EGFR: variants seen among roughly 807,000 people sequenced by gnomAD.
The protein encoded by EGFR is epidermal growth factor receptor.
In EGFR, 58 loss-of-function variants were observed where a neutral mutation model predicts 143.0. The observed-to-expected ratio is 0.41, with a 90% CI of 0.33 to 0.50. The LOEUF is 0.50. Ranked by LOEUF, EGFR falls within the 20% of genes least tolerant of loss-of-function variation. The pLI is 0.39. For synonymous variants in EGFR, 613 were observed against 594.4 expected, an observed-to-expected ratio of 1.03 and a Z score of -0.45; for missense variants, 1,307 against 1,579.0, an observed-to-expected ratio of 0.83 and a Z score of 2.92.
chr7:55,078,341 C>T (rs915121915), intron 1 of EGFR, among the ~76,000 whole-genome samples: 1 of 152,078 alleles, frequency 6.6e-6, no homozygotes, highest in Non-Finnish European at 1.5e-5. Flanking sequence ...GCCAGGAAGC[C>T]GCCTCGACGC....
chr7:55,107,288 G>A (rs1266234839), intron 1 of EGFR, among the ~76,000 whole-genome samples: 4 of 152,066 alleles, frequency 2.6e-5, no homozygotes, highest in African/African-American at 9.7e-5. Flanking sequence ...CCATTGGCAA[G>A]CCACATGACA....
intron 1 of EGFR, among the ~76,000 whole-genome samples, chr7:55,108,933 G>C (rs1369653345): frequency 4.6e-5 from 7 of 152,204 alleles, no homozygotes. Context: ...TTCTTTTGGA[G>C]CTTACATCTT....
At chr7:55,129,853 G>A (rs1584112329) in intron 1 of EGFR, among the ~76,000 whole-genome samples, 2 of 152,168 alleles carry the variant, frequency 1.3e-5, no homozygotes, top group Non-Finnish European at 2.9e-5. Context: ...GGATGAAAGG[G>A]CTCCTCATCA....
At chr7:55,171,977 T>C (rs747816990) in intron 16 of EGFR, among the ~76,000 whole-genome samples, 1 of 152,118 alleles carries the variant, frequency 6.6e-6, no homozygotes, top group African/African-American at 2.4e-5. Flanking sequence ...CAGCCATAGC[T>C]CTCTCTCCTG....
At chr7:55,116,128 C>A (rs1192402960) in intron 1 of EGFR, among the ~76,000 whole-genome samples, 2 of 152,162 alleles carry the variant, frequency 1.3e-5, no homozygotes, top group Non-Finnish European at 2.9e-5. Flanking sequence ...GAAAGATTCT[C>A]CTAGGAAAAG....
chr7:55,201,225 C>T lies in EGFR; in HGVS notation c.2984C>T (p.Ser995Phe). 6.2e-7 allele frequency: 1 copy of T among 1,614,174 alleles called. No individual in the cohort carries two copies. The highest frequency in any genetic ancestry group is 8.5e-7 in the Non-Finnish European group (1 of 1,180,032). ...ATGCATTTGCCAAGTCCTACAGACT[C>T]CAACTTCTACCGTGCCCTGATGGAT... Reference protein sequence around the residue: ...ERMHLPSPTDSNFYRALMDEE... With the variant: ...ERMHLPSPTDFNFYRALMDEE... The change falls in exon 25 of 28, where the codon TCC (serine) becomes TTC (phenylalanine). Residue 995 changes from serine (S) to phenylalanine (F), a missense_variant. Transcript: ENST00000275493.
chr7:55,124,418 C>T (rs973328063), intron 1 of EGFR, among the ~76,000 whole-genome samples: 1 of 152,188 alleles, frequency 6.6e-6, no homozygotes, highest in African/African-American at 2.4e-5. Flanking sequence ...TTCAGATTTT[C>T]AAAATTACAA....
Position 55,174,053 on chromosome 7 carries a change from C to T in EGFR, c.2184+10C>T, listed in dbSNP as rs2128953809. The T allele has an allele frequency of 6.2e-7, 1 of 1,614,176 alleles. No individual in the cohort carries two copies. Among genetic ancestry groups the T allele is most frequent in the Non-Finnish European group, 8.5e-7 (1 of 1,180,026 alleles). On this transcript the variant is annotated intron_variant, in intron 18 of 27. Coordinates refer to ENST00000275493, the MANE Select transcript of EGFR (RefSeq NM_005228.5). The stretch of plus-strand genomic sequence containing the variant: ...CGGCACGGTGTATAAGGTAAGGTCC[C>T]TGGCACAGGCCTCTGGGCTGGGCCG...
intron 1 of EGFR, among the ~76,000 whole-genome samples, chr7:55,114,612 T>C (rs1279618623): frequency 6.6e-6 from 1 of 152,132 alleles, no homozygotes; most frequent in Non-Finnish European, 1.5e-5. Context: ...TAGTACCTTT[T>C]TAAAAATACT....
chr7:55,169,452 G>T (rs1309330512), intron 15 of EGFR, among the ~76,000 whole-genome samples: 1 of 152,064 alleles, frequency 6.6e-6, no homozygotes, highest in Non-Finnish European at 1.5e-5. Context: ...TGAGGAGAAA[G>T]TTGCTTTGAA....
chr7:55,085,868 A>G (rs1193275575), intron 1 of EGFR, among the ~76,000 whole-genome samples: 1 of 152,192 alleles, frequency 6.6e-6, no homozygotes, highest in Non-Finnish European at 1.5e-5. Context: ...CAGTGGCAGA[A>G]GTAGAATTTG....
chr7:55,161,423 G>A (rs556239035), intron 12 of EGFR, 76 bp from the exon 13 acceptor site: 43 of 1,542,950 alleles, frequency 2.8e-5, no homozygotes, highest in Middle Eastern at 2.3e-4. Context: ...GGCCCCTCCC[G>A]GGAAGGTGCC....
At chr7:55,203,392 GAC>G (rs1562808283) in intron 27 of EGFR, among the ~76,000 whole-genome samples, 1 of 126,952 alleles carries the variant, frequency 7.9e-6, no homozygotes, top group African/African-American at 3.1e-5. Flanking sequence ...CATACATACA[GAC>G]ACACCACACA....
chr7:55,152,619 C>T lies in EGFR; in HGVS notation c.702C>T (p.Asn234=), dbSNP rs940465245. 2 of 1,613,838 alleles carry T rather than the reference C, an allele frequency of 1.2e-6. No individual in the cohort carries two copies. The highest frequency in any genetic ancestry group is 2.7e-5 in the African/African-American group (2 of 74,940). The change falls in exon 6 of 28, where the codon AAC becomes AAT. Residue 234 remains asparagine (N), a synonymous_variant. Transcript: ENST00000275493. ...AGTCCCCCAGTGACTGCTGCCACAACCAGTGTGCTGCAGGCTGCACAGGCC... is the reference window on the plus strand; with the variant it reads ...AGTCCCCCAGTGACTGCTGCCACAATCAGTGTGCTGCAGGCTGCACAGGCC... ...RGKSPSDCCH[N]QCAAGCTGPR...
chr7:55,175,597 G>T (rs749572924), intron 19 of EGFR, among the ~76,000 whole-genome samples: 1 of 152,198 alleles, frequency 6.6e-6, no homozygotes, highest in Non-Finnish European at 1.5e-5. Flanking sequence ...CAGAGCAAGT[G>T]AAAGAGGAGG....
chr7:55,172,646 T>A (rs1786403401), intron 16 of EGFR, among the ~76,000 whole-genome samples: 1 of 152,168 alleles, frequency 6.6e-6, no homozygotes, highest in Non-Finnish European at 1.5e-5. Context: ...TACCAATCCA[T>A]GAAAAAGCAT....
chr7:55,101,247 C>T (rs967139205), intron 1 of EGFR, among the ~76,000 whole-genome samples: 4 of 152,210 alleles, frequency 2.6e-5, no homozygotes, highest in Non-Finnish European at 5.9e-5. Flanking sequence ...CCTAAGTCCT[C>T]GTCATTTGTT....
intron 7 of EGFR, among the ~76,000 whole-genome samples, chr7:55,155,138 TTAAAACAGGAACAGGCCAGGCACAGTG>T (rs1785347853): frequency 6.6e-6 from 1 of 152,180 alleles, no homozygotes; most frequent in African/African-American, 2.4e-5. Flanking sequence ...CTTGGGGAAC[TTAAAACAGGAACAGGCCAGGCACAGTG>T]GCTCATTGGC....
chr7:55,100,408 C>A (rs1218589239), intron 1 of EGFR, among the ~76,000 whole-genome samples: 2 of 152,236 alleles, frequency 1.3e-5, no homozygotes, highest in Non-Finnish European at 2.9e-5. Context: ...GTATTAATTA[C>A]ATCTCAAAAA....
Sources: allele counts gnomAD v4.1 joint callset (sites outside exome capture counted in the v4.1 genomes callset), GRCh38; gene constraint gnomAD v4.1.1; transcripts MANE v1.5; gene names NCBI Gene and HGNC (gene_info 2026-07-23, HGNC 2026-07-21).